CLEC1A: variants seen among roughly 807,000 people sequenced by gnomAD.
The protein encoded by CLEC1A is C-type lectin-like receptor-1.
CLEC1A carries 34 observed loss-of-function variants against 28.7 expected under a neutral mutation model. The ratio of observed to expected loss-of-function variants is 1.18; its 90% confidence interval spans 0.90 to 1.57. The LOEUF is 1.57. CLEC1A is among the 40% of genes most tolerant of loss of function. The pLI is 0.00. For missense variants in CLEC1A, 385 were observed against 339.5 expected, an observed-to-expected ratio of 1.13 and a Z score of -1.05; for synonymous variants, 116 against 121.0, an observed-to-expected ratio of 0.96 and a Z score of 0.27.
chr12:10,080,118 G>A (rs560492479), intron 3 of CLEC1A, among the ~76,000 whole-genome samples: 1 of 152,142 alleles, frequency 6.6e-6, no homozygotes, highest in Non-Finnish European at 1.5e-5. Context: ...AGACCAGCCT[G>A]CCCAACACAG....
Position 10,075,673 on chromosome 12 carries a change from TTTATTG to T in CLEC1A, c.392-24_392-19del, listed in dbSNP as rs1229247718. On this transcript the variant is annotated intron_variant, in intron 3 of 5. Transcript: ENST00000315330. ...CCTGTGTGCTTGGAAAAAAGCCAAT[TTTATTG>T]TTATTTTCTGCATGAGTCTGTCTTG... 1 of 1,610,302 alleles carries T rather than the reference TTTATTG, an allele frequency of 6.2e-7. No individual in the cohort carries two copies. Among genetic ancestry groups the T allele is most frequent in the East Asian group, 2.2e-5 (1 of 44,838 alleles).
At position 10,073,317 on chromosome 12, in the gene CLEC1A, T is replaced by C; in HGVS notation, c.638A>G (p.Asp213Gly). 1.2e-6 allele frequency: 2 copies of C among 1,613,130 alleles called. No homozygotes were observed. The highest frequency in any genetic ancestry group is 1.7e-6 in the Non-Finnish European group (2 of 1,179,144). The change falls in exon 5 of 6, where the codon GAT becomes GGT. Residue 213 changes from aspartate (D) to glycine (G), a missense_variant. Transcript: ENST00000315330. ...PDSGKAWLWM[D>G]GTPFTSELFH... ...CAGTTCAGAAGTGAAAGGGGTTCCATCCATCCACAGCCAGGCCTTGCCACT... is the reference window on the plus strand; with the variant it reads ...CAGTTCAGAAGTGAAAGGGGTTCCACCCATCCACAGCCAGGCCTTGCCACT...
chr12:10,071,224 A>T lies in CLEC1A; in HGVS notation c.*109T>A. The T allele has an allele frequency of 9.6e-7, 1 of 1,038,208 alleles. No individual in the cohort carries two copies. Among genetic ancestry groups the T allele is most frequent in the Non-Finnish European group, 1.4e-6 (1 of 708,376 alleles). 64.3% of individuals were successfully genotyped at this position (1,038,208 alleles called of 1,614,324 possible). A position where few individuals can be genotyped will look rare whatever the true frequency, so the allele number is the denominator to read the frequency against. On this transcript the variant is annotated 3_prime_UTR_variant, in exon 6 of 6. Transcript: ENST00000315330. ...GAAACACGAGAACCCATTTTGTACT[A>T]GTCAGAGAGATAGTCTTTCCTGATT...
At chr12:10,087,608 C>T (rs1231747944) in intron 2 of CLEC1A, among the ~76,000 whole-genome samples, 9 of 147,246 alleles carry the variant, frequency 6.1e-5, no homozygotes, top group South Asian at 4.3e-4. Context: ...CTGCAATCTC[C>T]GCCTCCTGGG....
At chr12:10,088,784 G>C (rs1018644900) in intron 2 of CLEC1A, among the ~76,000 whole-genome samples, 2 of 152,040 alleles carry the variant, frequency 1.3e-5, no homozygotes, top group Non-Finnish European at 2.9e-5. Context: ...TGTATTCTCA[G>C]AGCCCAAACC....
At chr12:10,075,084 A>G (rs774591862) in intron 4 of CLEC1A, among the ~76,000 whole-genome samples, 7 of 152,222 alleles carry the variant, frequency 4.6e-5, no homozygotes, top group Non-Finnish European at 1.0e-4. Context: ...AAAGCAAGAT[A>G]TACATTTGCA....
intron 2 of CLEC1A, 79 bp downstream of exon 2, chr12:10,089,045 A>C: frequency 1.8e-6 from 2 of 1,129,010 alleles, no homozygotes; most frequent in Admixed American, 3.7e-5. Flanking sequence ...AGTTTAAAAA[A>C]CAAATCCATA....
At chr12:10,080,648 TAGG>T (rs2137343426) in intron 3 of CLEC1A, among the ~76,000 whole-genome samples, 1 of 152,294 alleles carries the variant, frequency 6.6e-6, no homozygotes, top group South Asian at 2.1e-4. Flanking sequence ...CTGAAAAGAA[TAGG>T]AGAATAGGAA....
At chr12:10,090,113 G>C (rs1866582242) in intron 1 of CLEC1A, among the ~76,000 whole-genome samples, 1 of 152,186 alleles carries the variant, frequency 6.6e-6, no homozygotes, top group African/African-American at 2.4e-5. Flanking sequence ...GAAACAAAGA[G>C]AGAGTGAAAC....
At chr12:10,075,469 A>T (rs929395109) in intron 4 of CLEC1A, 35 bp downstream of exon 4, 1 of 1,605,204 alleles carries the variant, frequency 6.2e-7, no homozygotes. Context: ...CTCTTTTTGA[A>T]ATCCTTCAAA....
Position 10,081,397 on chromosome 12 carries a change from C to A in CLEC1A, c.231G>T (p.Gln77His). ...TGGTGTCTTGACCAGTATTGGAGAG[C>A]TGGTAGTACTGAAAAACTAACCCAA... is the stretch of plus-strand genomic sequence containing the variant. ...ALGLLFFQYYQLSNTGQDTIS... is the reference protein window; with the variant it reads ...ALGLLFFQYYHLSNTGQDTIS... The change falls in exon 3 of 6, where the codon CAG becomes CAT. Residue 77 changes from glutamine to histidine, a missense_variant. Coordinates refer to ENST00000315330, the MANE Select transcript of CLEC1A (RefSeq NM_016511.4). The A allele has an allele frequency of 6.3e-7, 1 of 1,594,264 alleles. No homozygotes were observed. The highest frequency in any genetic ancestry group is 8.5e-7 in the Non-Finnish European group (1 of 1,172,134).
At chr12:10,073,708 A>G (rs1866189246) in intron 4 of CLEC1A, among the ~76,000 whole-genome samples, 1 of 152,236 alleles carries the variant, frequency 6.6e-6, no homozygotes, top group Non-Finnish European at 1.5e-5. Flanking sequence ...ATTAAACATT[A>G]ATGTTGACAT....
chr12:10,097,907 AGTTT>A (rs1565610643), intron 1 of CLEC1A, among the ~76,000 whole-genome samples: 1 of 12,216 alleles, frequency 8.2e-5, no homozygotes, highest in Non-Finnish European at 6.6e-4. Flanking sequence ...CTTACTGGGT[AGTTT>A]AGTTAAAAAA....
intron 1 of CLEC1A, among the ~76,000 whole-genome samples, chr12:10,090,174 GAATTC>G (rs1866583610): frequency 6.6e-6 from 1 of 152,182 alleles, no homozygotes; most frequent in South Asian, 2.1e-4. Context: ...ACTTCACTGA[GAATTC>G]AAGTCACGTT....
At chr12:10,082,436 G>A (rs748770768) in intron 2 of CLEC1A, among the ~76,000 whole-genome samples, 1 of 152,110 alleles carries the variant, frequency 6.6e-6, no homozygotes, top group Non-Finnish European at 1.5e-5. Context: ...CTGGTGACCT[G>A]TATGACACAG....
Position 10,071,417 on chromosome 12 carries a change from C to T in CLEC1A, c.759G>A (p.Lys253=). The T allele has an allele frequency of 1.2e-6, 2 of 1,614,034 alleles. No individual in the cohort carries two copies. Among genetic ancestry groups the T allele is most frequent in the Non-Finnish European group, 1.7e-6 (2 of 1,179,930 alleles). ...CTGCCCTTCTCTCACAGACACAACG[C>T]TTCAATTCTTTGCAGTCCTTTGAGA... The part of the protein sequence containing the change: ...MIFSKDCKEL[K]RCVCERRAGM... The change falls in exon 6 of 6, where the codon AAG becomes AAA. Residue 253 remains lysine, a synonymous_variant. Transcript: ENST00000315330.
rs553207399 is a variant in CLEC1A, at chr12:10,071,001, C to G, written c.*332G>C. On this transcript the variant is annotated 3_prime_UTR_variant, in exon 6 of 6. Coordinates refer to ENST00000315330, the MANE Select transcript of CLEC1A (RefSeq NM_016511.4). ...TACTTCAAAAAGTTTCTTATTCCAC[C>G]AAGTGTAAGGAAGACATGAAAACAG... is the stretch of plus-strand genomic sequence containing the variant. The G allele has an allele frequency of 2.3e-5, 4 of 176,386 alleles. No individual in the cohort carries two copies. Among genetic ancestry groups the G allele is most frequent in the Admixed American group, 1.3e-4 (2 of 15,954 alleles). The allele number at this position is 176,386 out of a possible 1,614,324, so 10.9% of individuals were successfully genotyped here.
chr12:10,089,047 A>T (rs1324482123), intron 2 of CLEC1A, 77 bp downstream of exon 2: 1 of 1,146,154 alleles, frequency 8.7e-7, no homozygotes, highest in Admixed American at 1.8e-5. Flanking sequence ...TTTAAAAAAC[A>T]AATCCATAAC....
intron 1 of CLEC1A, 45 bp from the exon 2 acceptor site, chr12:10,089,267 C>T: frequency 1.3e-6 from 2 of 1,506,812 alleles, no homozygotes; most frequent in Non-Finnish European, 1.8e-6. Context: ...TTTTCTTCCT[C>T]TTGCATCTAA....
Sources: gnomAD v4.1 joint callset for allele counts (sites outside exome capture counted in the v4.1 genomes callset) on GRCh38, gnomAD v4.1.1 for gene constraint, MANE v1.5 for transcripts, NCBI Gene and HGNC (gene_info 2026-07-23, HGNC 2026-07-21) for gene names.